Variants in AKAP13 observed in about 807,000 individuals in gnomAD.
The protein encoded by AKAP13 is A-kinase anchoring protein 13, also known as A-kinase anchor protein 13.
AKAP13 carries 80 observed loss-of-function variants against 264.5 expected under a neutral mutation model. The ratio of observed to expected loss-of-function variants is 0.30; its 90% confidence interval spans 0.25 to 0.36. AKAP13 has a LOEUF of 0.36. Ranked by LOEUF, AKAP13 falls within the 10% of genes least tolerant of loss-of-function variation. AKAP13 has a pLI of 1.00. For missense variants in AKAP13, 3,712 were observed against 3,435.2 expected (o/e 1.08, Z -2.01); for synonymous variants, 1,380 against 1,250.2 (o/e 1.10, Z -2.19).
chr15:85,619,065 C>A (rs2081060123), intron 8 of AKAP13, among the ~76,000 whole-genome samples: 1 of 151,622 alleles, frequency 6.6e-6, no homozygotes, highest in African/African-American at 2.4e-5. Flanking sequence ...TAGTATAACA[C>A]CCCCCTTCCT....
Position 85,575,152 on chromosome 15 carries a change from C to A in AKAP13, c.684C>A (p.Asp228Glu), listed in dbSNP as rs1390844327. ...LLTEENAGEPDSWSSLSYEIP... is the reference protein window; with the variant it reads ...LLTEENAGEPESWSSLSYEIP... ...GTAGGGAGAATGCTGGAGAACCAGA[C>A]TCCTGGAGCAGTTTATCCTATGAAA... The change falls in exon 6 of 37, where the codon GAC becomes GAA. Residue 228 changes from aspartate to glutamate, a missense_variant. Around this residue, in one of 3 missense-constraint regions of AKAP13, gnomAD observed 2,759 missense variants for 2,411.7 expected, o/e 1.14. Coordinates refer to ENST00000394518, the MANE Select transcript of AKAP13 (RefSeq NM_007200.5). The A allele has an allele frequency of 2.5e-6, 4 of 1,614,006 alleles. No individual in the cohort carries two copies. In the Admixed American group the frequency reaches 6.7e-5, roughly 27 times the overall value.
intron 3 of AKAP13, among the ~76,000 whole-genome samples, chr15:85,532,798 G>A (rs1171548678): frequency 6.6e-6 from 1 of 152,218 alleles, no homozygotes; most frequent in East Asian, 1.9e-4. Flanking sequence ...GGAGTGGCAT[G>A]CAGTTTTCTG....
chr15:85,461,738 A>G (rs558741702), intron 1 of AKAP13, among the ~76,000 whole-genome samples: 1 of 152,042 alleles, frequency 6.6e-6, no homozygotes, highest in African/African-American at 2.4e-5. Context: ...GTTGCTTCAA[A>G]TATGTCATTT....
At chr15:85,395,435 T>A (rs1162868278) in intron 1 of AKAP13, among the ~76,000 whole-genome samples, 2 of 152,332 alleles carry the variant, frequency 1.3e-5, no homozygotes, top group Middle Eastern at 3.4e-3. Context: ...TTTAAACTTA[T>A]CTTTCTGTTC....
At chr15:85,558,225 T>A (rs190863722) in intron 5 of AKAP13, among the ~76,000 whole-genome samples, 1 of 152,252 alleles carries the variant, frequency 6.6e-6, no homozygotes, top group Non-Finnish European at 1.5e-5. Context: ...ATCAATGTTA[T>A]ATGTTTCTGC....
chr15:85,657,277 A>G (rs1271681929), intron 11 of AKAP13, among the ~76,000 whole-genome samples: 1 of 152,232 alleles, frequency 6.6e-6, no homozygotes, highest in African/African-American at 2.4e-5. Flanking sequence ...TTATTTATTC[A>G]GCCAACATAT....
intron 17 of AKAP13, chr15:85,702,206 C>T (rs2085959855): frequency 6.6e-6 from 1 of 151,870 alleles, no homozygotes. Context: ...AAGATCGCGC[C>T]ATTGCACTTC....
intron 13 of AKAP13, among the ~76,000 whole-genome samples, chr15:85,665,814 A>G (rs1401300917): frequency 6.6e-6 from 1 of 152,170 alleles, no homozygotes; most frequent in East Asian, 1.9e-4. Context: ...TTTACTCAGA[A>G]TGATGGTTTC....
Position 85,412,185 on chromosome 15 carries a change from G to A in AKAP13, c.-12+31387G>A, listed in dbSNP as rs544861986. Among the ~76,000 whole-genome samples the A allele has an allele frequency of 7.2e-5, 11 of 152,226 alleles. No individual in the cohort carries two copies. In the South Asian group the frequency reaches 8.3e-4, roughly 11 times the overall value. On this transcript the variant is annotated intron_variant, in intron 1 of 36. Coordinates refer to ENST00000394518, the MANE Select transcript of AKAP13 (RefSeq NM_007200.5). Reference sequence around the variant, plus strand: ...CTTTTAATGTAACAGAGTACAAAACGGTCATTGATACAGTTTCAGATTTCA... The same window carrying A: ...CTTTTAATGTAACAGAGTACAAAACAGTCATTGATACAGTTTCAGATTTCA...
chr15:85,622,419 T>C (rs1272405942), intron 8 of AKAP13, among the ~76,000 whole-genome samples: 2 of 152,262 alleles, frequency 1.3e-5, no homozygotes, highest in Middle Eastern at 3.4e-3. Flanking sequence ...AGGGCCATTG[T>C]GGTGGATGGG....
chr15:85,709,623 C>T (rs2086513351), intron 18 of AKAP13, among the ~76,000 whole-genome samples: 1 of 152,026 alleles, frequency 6.6e-6, no homozygotes, highest in African/African-American at 2.4e-5. Flanking sequence ...AGAGACATAG[C>T]ATCTCCCATA....
intron 1 of AKAP13, among the ~76,000 whole-genome samples, chr15:85,424,273 T>A (rs1360814620): frequency 6.6e-6 from 1 of 152,236 alleles, no homozygotes; most frequent in East Asian, 1.9e-4. Context: ...GAAAATCTGT[T>A]GTTTAGTGTA....
chr15:85,393,595 CTT>C (rs1328913336), intron 1 of AKAP13, among the ~76,000 whole-genome samples: 1 of 152,128 alleles, frequency 6.6e-6, no homozygotes, highest in Non-Finnish European at 1.5e-5. Flanking sequence ...GAAGAAGAAA[CTT>C]TTGTGTGTTT....
At chr15:85,412,076 G>C (rs1331923326) in intron 1 of AKAP13, among the ~76,000 whole-genome samples, 2 of 151,538 alleles carry the variant, frequency 1.3e-5, no homozygotes, top group African/African-American at 4.9e-5. Context: ...CAAGGAACCA[G>C]TATTTTCACA....
intron 1 of AKAP13, among the ~76,000 whole-genome samples, chr15:85,439,646 AATG>A (rs1401217224): frequency 7.6e-5 from 11 of 144,004 alleles, no homozygotes; most frequent in Non-Finnish European, 1.5e-4. Flanking sequence ...AGCCATAAAA[AATG>A]ATGAGTTCAT....
chr15:85,734,903 T>A (rs1296394914), intron 30 of AKAP13, 89 bp from the exon 31 acceptor site: 1 of 1,494,182 alleles, frequency 6.7e-7, no homozygotes, highest in Non-Finnish European at 9.0e-7. Context: ...TTTCAAGTCG[T>A]GCTCTTTGTA....
chr15:85,482,022 G>T (rs1340779769), intron 1 of AKAP13, among the ~76,000 whole-genome samples: 3 of 152,178 alleles, frequency 2.0e-5, no homozygotes, highest in Non-Finnish European at 4.4e-5. Flanking sequence ...TTTTAAGTGT[G>T]TTTACTCTGA....
At chr15:85,652,548 T>G (rs986708800) in intron 10 of AKAP13, among the ~76,000 whole-genome samples, 22 of 152,336 alleles carry the variant, frequency 1.4e-4, no homozygotes, top group Middle Eastern at 3.4e-3. Flanking sequence ...TTGGTATTAT[T>G]TTGAGAATTA....
intron 14 of AKAP13, among the ~76,000 whole-genome samples, chr15:85,681,270 G>A (rs1307125358): frequency 6.6e-6 from 1 of 152,160 alleles, no homozygotes; most frequent in Non-Finnish European, 1.5e-5. Flanking sequence ...AGTAACCTTT[G>A]TTTCCCTGGA....
Sources: gnomAD v4.1 joint callset for allele counts (sites outside exome capture counted in the v4.1 genomes callset) on GRCh38, gnomAD v4.1.1 for gene constraint, gnomAD v4.1.1 regional missense constraint, MANE v1.5 for transcripts, NCBI Gene and HGNC (gene_info 2026-07-23, HGNC 2026-07-21) for gene names.